SENP2: variants seen among roughly 807,000 people sequenced by gnomAD.
SENP2 encodes the protein sentrin-specific protease 2.
A neutral mutation model predicts 86.3 loss-of-function variants in SENP2; 16 were observed. The observed-to-expected ratio is 0.19, with a 90% CI of 0.13 to 0.28. The LOEUF (loss-of-function observed/expected upper bound fraction) is 0.28, where lower values mean the gene tolerates loss of function less well. Ranked by LOEUF, SENP2 falls within the 10% of genes least tolerant of loss-of-function variation. SENP2 has a pLI of 1.00. For synonymous variants in SENP2, 222 were observed against 238.7 expected (o/e 0.93, Z 0.64); for missense variants, 552 against 703.0 (o/e 0.79, Z 2.43).
At chr3:185,629,078 T>G (rs1712289640) in intron 16 of SENP2, among the ~76,000 whole-genome samples, 1 of 152,184 alleles carries the variant, frequency 6.6e-6, no homozygotes, top group African/African-American at 2.4e-5. Flanking sequence ...AGAAAGAAAC[T>G]TGTAGATTTT....
chr3:185,605,662 CTT>C (rs148897420), intron 5 of SENP2, among the ~76,000 whole-genome samples: 22 of 137,350 alleles, frequency 1.6e-4, no homozygotes, highest in Non-Finnish European at 2.1e-4. Flanking sequence ...CAGATTATGC[CTT>C]TTTTTTTTTT....
chr3:185,628,821 C>T (rs903120434), intron 16 of SENP2, among the ~76,000 whole-genome samples: 14 of 152,146 alleles, frequency 9.2e-5, no homozygotes, highest in African/African-American at 2.7e-4. Flanking sequence ...TGTGAACTTC[C>T]GTATACACTA....
chr3:185,586,644 G>A lies in SENP2; in HGVS notation c.101+130G>A. 2 of 802,436 alleles carry A rather than the reference G, an allele frequency of 2.5e-6. No homozygotes were observed. Among genetic ancestry groups the A allele is most frequent in the Admixed American group, 2.4e-5 (1 of 41,342 alleles). The allele number at this position is 802,436 out of a possible 1,614,324, so 49.7% of individuals were successfully genotyped here. A position where few individuals can be genotyped will look rare whatever the true frequency, so the allele number is the denominator to read the frequency against. The stretch of plus-strand genomic sequence containing the variant: ...TCGCCGGGATCCTAGTGACGTAGTC[G>A]CTCCCGCCAGGCTGTAGGGAGGCAG... On this transcript the variant is annotated intron_variant, in intron 1 of 16. Transcript: ENST00000296257. This position sits in a 1 kb window ranked among gnomAD's most constrained non-coding sequence, Gnocchi z 4.3.
chr3:185,602,485 C>T (rs1038331107), intron 5 of SENP2, among the ~76,000 whole-genome samples: 8 of 151,734 alleles, frequency 5.3e-5, no homozygotes, highest in South Asian at 2.1e-4. Flanking sequence ...TATATAGTGT[C>T]GAGGAGGGAA....
At chr3:185,618,217 T>A (rs1711696493) in intron 12 of SENP2, among the ~76,000 whole-genome samples, 1 of 152,250 alleles carries the variant, frequency 6.6e-6, no homozygotes, top group Non-Finnish European at 1.5e-5. Context: ...GTGCTGGGAT[T>A]ACAGGCGTGA....
At chr3:185,622,817 CTTTTTTTTTTTT>C (rs35711486) in intron 14 of SENP2, among the ~76,000 whole-genome samples, 2 of 89,346 alleles carry the variant, frequency 2.2e-5, no homozygotes, top group Non-Finnish European at 4.1e-5. Context: ...TACATTCATG[CTTTTTTTTTTTT>C]TTTTTTTTTT....
At chr3:185,597,603 C>G (rs752480062) in intron 2 of SENP2, among the ~76,000 whole-genome samples, 1 of 151,456 alleles carries the variant, frequency 6.6e-6, no homozygotes, top group Non-Finnish European at 1.5e-5. Flanking sequence ...ATCCACCCAC[C>G]TCGGCCTCCC....
intron 8 of SENP2, 76 bp from the exon 9 acceptor site, chr3:185,612,531 C>T (rs1722731297): frequency 2.8e-6 from 3 of 1,067,328 alleles, no homozygotes; most frequent in African/African-American, 3.1e-5. Flanking sequence ...GTTGTGGAAA[C>T]TCTGTAAGCT....
intron 1 of SENP2, among the ~76,000 whole-genome samples, chr3:185,587,004 G>A (rs1721805137): frequency 6.6e-6 from 1 of 152,172 alleles, no homozygotes; most frequent in South Asian, 2.1e-4. Context: ...GGGCCAGAAG[G>A]GTTTTGTGCT....
intron 4 of SENP2, 51 bp from the exon 5 acceptor site, chr3:185,600,714 T>G: frequency 8.2e-7 from 1 of 1,213,970 alleles, no homozygotes; most frequent in Non-Finnish European, 1.2e-6. Flanking sequence ...TTATGCAGAC[T>G]GTTTGCAAGT....
Sources: gnomAD v4.1 joint callset for allele counts (sites outside exome capture counted in the v4.1 genomes callset) on GRCh38, gnomAD v4.1.1 for gene constraint, Gnocchi (gnomAD v3.1) non-coding constraint, MANE v1.5 for transcripts, NCBI Gene and HGNC (gene_info 2026-07-23, HGNC 2026-07-21) for gene names.